The following ABCB11 variants were observed in gnomAD, a reference collection of about 807,000 sequenced individuals.
ABCB11 encodes the protein ATP binding cassette subfamily B member 11, also known as bile salt export pump.
In ABCB11, 95 loss-of-function variants were observed where a neutral mutation model predicts 148.0. The ratio of observed to expected loss-of-function variants is 0.64; its 90% confidence interval spans 0.54 to 0.76. The LOEUF is 0.76. Among genes scored for constraint, ABCB11 ranks in the 30% least tolerant of loss-of-function variants. The pLI, the probability that ABCB11 is intolerant of heterozygous loss-of-function variation, is 0.00. For synonymous variants in ABCB11, 591 were observed against 555.4 expected (o/e 1.06, Z -0.90); for missense variants, 1,523 against 1,617.8 (o/e 0.94, Z 1.01).
chr2:168,929,210 AG>A (rs1344512646), intron 25 of ABCB11, among the ~76,000 whole-genome samples: 7 of 152,154 alleles, frequency 4.6e-5, no homozygotes, highest in African/African-American at 1.7e-4. Flanking sequence ...CTCCAACAAA[AG>A]GGGGTAAAAA....
At chr2:168,970,271 G>T in intron 14 of ABCB11, 56 bp from the exon 15 acceptor site, 1 of 1,573,466 alleles carries the variant, frequency 6.4e-7, no homozygotes. Flanking sequence ...GCTTCTGACA[G>T]TGATCCACTA....
chr2:168,984,226 A>G (rs1292285606), intron 10 of ABCB11, among the ~76,000 whole-genome samples: 1 of 152,116 alleles, frequency 6.6e-6, no homozygotes, highest in Non-Finnish European at 1.5e-5. Flanking sequence ...ATTCACTGTC[A>G]AGGTTCTCTG....
chr2:168,996,585 G>A (rs781498660), intron 6 of ABCB11, 50 bp downstream of exon 6: 1 of 1,121,816 alleles, frequency 8.9e-7, no homozygotes, highest in South Asian at 2.0e-5. Context: ...TCATTGTAGT[G>A]TCTTTGAGGT....
At chr2:168,931,700 A>C (rs973062179) in intron 24 of ABCB11, among the ~76,000 whole-genome samples, 1 of 152,258 alleles carries the variant, frequency 6.6e-6, no homozygotes, top group African/African-American at 2.4e-5. Context: ...GTGGTTAGGT[A>C]GATCTCAGAG....
Position 168,923,491 on chromosome 2 carries a change from A to C in ABCB11, c.*131T>G. On this transcript the variant is annotated 3_prime_UTR_variant, in exon 28 of 28. Transcript: ENST00000650372. The stretch of plus-strand genomic sequence containing the variant: ...ATTCCGATGTAGGAAAATGACTGTA[A>C]AAGTAAAATATTAACATTCTTCTTT... 1 of 822,884 alleles carries C rather than the reference A, an allele frequency of 1.2e-6. No individual in the cohort carries two copies. Among genetic ancestry groups the C allele is most frequent in the Non-Finnish European group, 1.9e-6 (1 of 523,704 alleles). 51.0% of individuals were successfully genotyped at this position (822,884 alleles called of 1,614,324 possible). A position where few individuals can be genotyped will look rare whatever the true frequency, so the allele number is the denominator to read the frequency against.
intron 19 of ABCB11, among the ~76,000 whole-genome samples, chr2:168,956,107 G>C (rs1395449838): frequency 1.3e-5 from 2 of 151,712 alleles, no homozygotes; most frequent in African/African-American, 4.8e-5. Context: ...AGGTGAAGGG[G>C]AAGCAAGGCA....
chr2:168,943,018 G>A (rs1559189811), intron 21 of ABCB11, among the ~76,000 whole-genome samples: 1 of 151,880 alleles, frequency 6.6e-6, no homozygotes, highest in Non-Finnish European at 1.5e-5. Flanking sequence ...ACCTGGGCTA[G>A]CAATCTTATT....
chr2:168,964,175 C>T, intron 18 of ABCB11, 31 bp downstream of exon 18: 1 of 1,497,410 alleles, frequency 6.7e-7, no homozygotes. Flanking sequence ...AGACTTCTTC[C>T]ATTCCCCCCC....
chr2:168,960,018 G>A (rs912214251), intron 18 of ABCB11, among the ~76,000 whole-genome samples: 5 of 148,070 alleles, frequency 3.4e-5, no homozygotes, highest in African/African-American at 1.2e-4. Flanking sequence ...TCATGAAATT[G>A]TGTGAGACTA....
chr2:168,982,924 T>A (rs1694185088), intron 10 of ABCB11, among the ~76,000 whole-genome samples: 1 of 152,126 alleles, frequency 6.6e-6, no homozygotes, highest in Non-Finnish European at 1.5e-5. Context: ...TAATAATCAG[T>A]TGATTAAAAT....
At chr2:168,915,553 C>A (rs1008151156) in exon 3 of ABCB11, among the ~76,000 whole-genome samples, 1 of 152,172 alleles carries the variant, frequency 6.6e-6, no homozygotes, top group Non-Finnish European at 1.5e-5. Context: ...TCTTCTGTAA[C>A]AAGATGGGTG....
At chr2:169,007,642 A>G (rs1397596548) in intron 5 of ABCB11, among the ~76,000 whole-genome samples, 1 of 152,220 alleles carries the variant, frequency 6.6e-6, no homozygotes, top group Non-Finnish European at 1.5e-5. Context: ...TATGACACCA[A>G]TTCAGAAGCA....
At chr2:168,970,394 T>C in intron 14 of ABCB11, 179 bp from the exon 15 acceptor site, 1 of 1,482,350 alleles carries the variant, frequency 6.7e-7, no homozygotes, top group Non-Finnish European at 9.1e-7. Context: ...AATATTTATG[T>C]GTGAAATAAA....
In ABCB11 at chr2:169,014,336, T is replaced by C; in HGVS notation, c.117A>G (p.Lys39=). 1 of 1,613,404 alleles carries C rather than the reference T, an allele frequency of 6.2e-7. No homozygotes were observed. Among genetic ancestry groups the C allele is most frequent in the Non-Finnish European group, 8.5e-7 (1 of 1,179,504 alleles). ...DKKSRLQDEK[K]GDGVRVGFFQ... Reference sequence around the variant, plus strand: ...AGAAGCCAACTCTAACGCCATCACCTTTCTTCTCATCTTGTAACCTGATGA... The same window carrying C: ...AGAAGCCAACTCTAACGCCATCACCCTTCTTCTCATCTTGTAACCTGATGA... The change falls in exon 4 of 28, where the codon AAA becomes AAG. Residue 39 remains lysine (K), a synonymous_variant. Coordinates refer to ENST00000650372, the MANE Select transcript of ABCB11 (RefSeq NM_003742.4).
intron 5 of ABCB11, among the ~76,000 whole-genome samples, chr2:169,008,012 G>C (rs1695074433): frequency 6.6e-6 from 1 of 152,144 alleles, no homozygotes; most frequent in Non-Finnish European, 1.5e-5. Flanking sequence ...TGAAAGATCT[G>C]AATAGATATT....
At chr2:169,001,282 C>T (rs576776977) in intron 5 of ABCB11, among the ~76,000 whole-genome samples, 44 of 152,308 alleles carry the variant, frequency 2.9e-4, no homozygotes, top group African/African-American at 1.0e-3. Flanking sequence ...TTACTACGCA[C>T]TCCCTTCCTG....
intron 21 of ABCB11, among the ~76,000 whole-genome samples, chr2:168,942,392 A>G (rs959427032): frequency 6.6e-6 from 1 of 151,974 alleles, no homozygotes; most frequent in African/African-American, 2.4e-5. Flanking sequence ...ATGTATTAAA[A>G]TAATTAACAT....
At chr2:168,971,219 G>A (rs976981177) in intron 14 of ABCB11, among the ~76,000 whole-genome samples, 14 of 152,110 alleles carry the variant, frequency 9.2e-5, no homozygotes, top group Admixed American at 7.2e-4. Flanking sequence ...GTTGTTGTGA[G>A]GGTTTAATGA....
intron 19 of ABCB11, among the ~76,000 whole-genome samples, chr2:168,954,397 T>C (rs1389016027): frequency 6.6e-6 from 1 of 151,618 alleles, no homozygotes; most frequent in African/African-American, 2.4e-5. Context: ...GAGCATTTCC[T>C]GTAGGTCCAA....
Sources: allele counts gnomAD v4.1 joint callset (sites outside exome capture counted in the v4.1 genomes callset), GRCh38; gene constraint gnomAD v4.1.1; transcripts MANE v1.5; gene names NCBI Gene and HGNC (gene_info 2026-07-23, HGNC 2026-07-21).